Variants in PLCL1 observed in about 807,000 individuals in gnomAD.
PLCL1 encodes the protein inactive phospholipase C-like protein 1.
Under a neutral mutation model 84.4 loss-of-function variants are expected in PLCL1, and 41 were observed. The ratio of observed to expected loss-of-function variants is 0.49; its 90% confidence interval spans 0.38 to 0.63. The LOEUF (loss-of-function observed/expected upper bound fraction) is 0.63, where lower values mean the gene tolerates loss of function less well. Ranked by LOEUF, PLCL1 falls within the 30% of genes least tolerant of loss-of-function variation. The pLI is 0.00. For synonymous variants in PLCL1, 490 were observed against 488.3 expected, an observed-to-expected ratio of 1.00 and a Z score of -0.05; for missense variants, 1,206 against 1,367.8, an observed-to-expected ratio of 0.88 and a Z score of 1.87.
intron 1 of PLCL1, among the ~76,000 whole-genome samples, chr2:198,056,889 C>T (rs1376027122): frequency 1.3e-5 from 2 of 152,150 alleles, no homozygotes; most frequent in African/African-American, 4.8e-5. Context: ...GCAGCAATGG[C>T]AAAAGATGAA....
intron 5 of PLCL1, among the ~76,000 whole-genome samples, chr2:198,127,807 A>G (rs1027746005): frequency 6.6e-6 from 1 of 152,158 alleles, no homozygotes; most frequent in Non-Finnish European, 1.5e-5. Flanking sequence ...TGTGGACAGC[A>G]GGCACTCCCT....
rs896077562 is a variant in PLCL1 at position 198,149,501 on chromosome 2, A to G, written c.*2539A>G. The G allele has an allele frequency of 6.6e-6, 1 of 152,182 alleles. No homozygotes were observed. The highest frequency in any genetic ancestry group is 1.5e-5 in the Non-Finnish European group (1 of 68,024). 9.4% of individuals were successfully genotyped at this position (152,182 alleles called of 1,614,324 possible). ...TCTGTCTGATTTCATGTGCAAGATTATATACTTAGTGATTTTGATTTTAAG... is the reference window on the plus strand; with the variant it reads ...TCTGTCTGATTTCATGTGCAAGATTGTATACTTAGTGATTTTGATTTTAAG... On this transcript the variant is annotated 3_prime_UTR_variant, in exon 6 of 6. Coordinates refer to ENST00000428675, the MANE Select transcript of PLCL1 (RefSeq NM_006226.4).
chr2:198,133,657 A>G (rs188132431), intron 5 of PLCL1, among the ~76,000 whole-genome samples: 35 of 152,006 alleles, frequency 2.3e-4, no homozygotes, highest in African/African-American at 8.2e-4. Context: ...TGCATATTCC[A>G]TAAAGTCAAC....
At chr2:198,129,616 T>G (rs1694073313) in intron 5 of PLCL1, among the ~76,000 whole-genome samples, 1 of 152,176 alleles carries the variant, frequency 6.6e-6, no homozygotes, top group Admixed American at 6.5e-5. Flanking sequence ...GTCATGGTCC[T>G]CACATTTGGC....
chr2:197,863,411 CAGAT>C (rs968596177), intron 1 of PLCL1, among the ~76,000 whole-genome samples: 1 of 152,024 alleles, frequency 6.6e-6, no homozygotes, highest in Admixed American at 6.6e-5. Flanking sequence ...AGTCTGATAA[CAGAT>C]AGATAAATGT....
intron 1 of PLCL1, among the ~76,000 whole-genome samples, chr2:197,957,173 A>T (rs911481125): frequency 6.6e-6 from 1 of 151,906 alleles, no homozygotes; most frequent in African/African-American, 2.4e-5. Context: ...TTCCACTAGG[A>T]ATTATCTTTT....
chr2:197,961,446 T>C (rs1199792492), intron 1 of PLCL1, among the ~76,000 whole-genome samples: 1 of 152,072 alleles, frequency 6.6e-6, no homozygotes, highest in Non-Finnish European at 1.5e-5. Flanking sequence ...AATAGATTTA[T>C]AGCTTTTTTA....
At chr2:197,926,323 A>G (rs987085545) in intron 1 of PLCL1, among the ~76,000 whole-genome samples, 1 of 152,174 alleles carries the variant, frequency 6.6e-6, no homozygotes, top group African/African-American at 2.4e-5. Flanking sequence ...GGCTGAACCC[A>G]CTTGTGGATT....
chr2:197,922,825 G>A (rs868387293), intron 1 of PLCL1, among the ~76,000 whole-genome samples: 15 of 133,290 alleles, frequency 1.1e-4, no homozygotes, highest in South Asian at 5.1e-4. Flanking sequence ...CGGGCAGAGG[G>A]GCTCCTCACT....
chr2:198,060,877 G>T (rs1321286453), intron 1 of PLCL1, among the ~76,000 whole-genome samples: 1 of 152,136 alleles, frequency 6.6e-6, no homozygotes. Flanking sequence ...TGAACATAAG[G>T]AATGTTAATC....
At chr2:197,943,812 T>G (rs1322834925) in intron 1 of PLCL1, among the ~76,000 whole-genome samples, 1 of 152,146 alleles carries the variant, frequency 6.6e-6, no homozygotes, top group Non-Finnish European at 1.5e-5. Context: ...TCTTCTAATA[T>G]CCCCAAACAG....
At chr2:198,037,694 T>G (rs533523861) in intron 1 of PLCL1, among the ~76,000 whole-genome samples, 18 of 152,292 alleles carry the variant, frequency 1.2e-4, no homozygotes, top group Non-Finnish European at 1.9e-4. Flanking sequence ...TCCAAAACGG[T>G]TTTATTCTAT....
intron 1 of PLCL1, among the ~76,000 whole-genome samples, chr2:197,945,685 T>C (rs1031993307): frequency 1.3e-5 from 2 of 152,138 alleles, no homozygotes; most frequent in African/African-American, 2.4e-5. Context: ...AAAATTAAGA[T>C]AGAAATAGAA....
intron 1 of PLCL1, among the ~76,000 whole-genome samples, chr2:197,921,325 C>T (rs1244340272): frequency 6.6e-6 from 1 of 152,196 alleles, no homozygotes; most frequent in East Asian, 1.9e-4. Context: ...CTGAGTGTTA[C>T]TTATAATGGC....
chr2:198,061,861 A>G (rs1692212735), intron 1 of PLCL1, among the ~76,000 whole-genome samples: 1 of 152,120 alleles, frequency 6.6e-6, no homozygotes. Flanking sequence ...AGCCTCCCAA[A>G]GTGCTGGGAT....
intron 1 of PLCL1, among the ~76,000 whole-genome samples, chr2:197,946,170 A>G (rs949288787): frequency 6.6e-5 from 10 of 152,222 alleles, no homozygotes; most frequent in Admixed American, 2.6e-4. Context: ...TTGGTGGGAT[A>G]TACGATTGAA....
At chr2:197,951,040 T>G (rs1689380795) in intron 1 of PLCL1, among the ~76,000 whole-genome samples, 1 of 152,048 alleles carries the variant, frequency 6.6e-6, no homozygotes, top group African/African-American at 2.4e-5. Context: ...GTGTTCTAGC[T>G]AAGAGTCTGG....
At chr2:198,000,589 A>G (rs1440932357) in intron 1 of PLCL1, among the ~76,000 whole-genome samples, 1 of 152,144 alleles carries the variant, frequency 6.6e-6, no homozygotes, top group Non-Finnish European at 1.5e-5. Context: ...ATGTGGGCCT[A>G]CTATATTATA....
At chr2:197,960,568 G>A (rs1689595710) in intron 1 of PLCL1, among the ~76,000 whole-genome samples, 1 of 152,042 alleles carries the variant, frequency 6.6e-6, no homozygotes, top group Non-Finnish European at 1.5e-5. Context: ...CATTTTGGTG[G>A]GGGGACTAGG....
Sources: gnomAD v4.1 joint callset for allele counts (sites outside exome capture counted in the v4.1 genomes callset) on GRCh38, gnomAD v4.1.1 for gene constraint, MANE v1.5 for transcripts, NCBI Gene and HGNC (gene_info 2026-07-23, HGNC 2026-07-21) for gene names.